The following RGS7 variants were observed in gnomAD, a reference collection of about 807,000 sequenced individuals.
RGS7 encodes regulator of G protein signaling 7.
RGS7 carries 27 observed loss-of-function variants against 81.1 expected under a neutral mutation model. The observed-to-expected ratio is 0.33, with a 90% CI of 0.25 to 0.46. RGS7 has a LOEUF of 0.46. RGS7 is among the 20% of genes least tolerant of loss of function. RGS7 has a pLI of 1.00. For synonymous variants in RGS7, 208 were observed against 207.7 expected (o/e 1.00, Z -0.01); for missense variants, 396 against 607.4 (o/e 0.65, Z 3.66).
At chr1:241,137,661 G>A (rs2067618409) in intron 2 of RGS7, among the ~76,000 whole-genome samples, 4 of 152,196 alleles carry the variant, frequency 2.6e-5, no homozygotes, top group Admixed American at 2.6e-4. Context: ...GCTCAAAGGA[G>A]CTGATCCTTA....
intron 2 of RGS7, among the ~76,000 whole-genome samples, chr1:241,289,418 C>T (rs1286909997): frequency 6.6e-6 from 1 of 152,200 alleles, no homozygotes; most frequent in Non-Finnish European, 1.5e-5. Context: ...CCCCTTTGTG[C>T]TCCCTGAATA....
chr1:241,276,033 G>A (rs1456766284), intron 2 of RGS7, among the ~76,000 whole-genome samples: 1 of 152,186 alleles, frequency 6.6e-6, no homozygotes, highest in African/African-American at 2.4e-5. Context: ...TAACAGATGA[G>A]AGAGTATGTG....
At chr1:241,098,905 A>G in intron 2 of RGS7, 143 bp from the exon 3 acceptor site, 1 of 670,776 alleles carries the variant, frequency 1.5e-6, no homozygotes, top group Non-Finnish European at 2.6e-6. Flanking sequence ...TGCCACATTA[A>G]TAGTTTAAAT....
intron 3 of RGS7, among the ~76,000 whole-genome samples, chr1:241,004,568 T>C (rs1455099434): frequency 1.3e-5 from 2 of 152,152 alleles, no homozygotes; most frequent in African/African-American, 4.8e-5. Context: ...TATGGAAGCC[T>C]TCTGGATGAA....
chr1:241,159,427 C>T (rs571606927), intron 2 of RGS7, among the ~76,000 whole-genome samples: 1 of 152,196 alleles, frequency 6.6e-6, no homozygotes, highest in South Asian at 2.1e-4. Flanking sequence ...ACCTACTTAT[C>T]CTTCTAGAAC....
chr1:241,346,658 T>G (rs1035906380), intron 2 of RGS7, among the ~76,000 whole-genome samples: 1 of 152,206 alleles, frequency 6.6e-6, no homozygotes, highest in Non-Finnish European at 1.5e-5. Flanking sequence ...CCACTAGTCT[T>G]GGGAGGTCAC....
At chr1:241,127,962 T>C (rs919024651) in intron 2 of RGS7, among the ~76,000 whole-genome samples, 1 of 151,924 alleles carries the variant, frequency 6.6e-6, no homozygotes, top group Non-Finnish European at 1.5e-5. Flanking sequence ...AGAGGAAATA[T>C]AGAGCAGTAT....
rs186236174 is a variant in RGS7, at chr1:241,345,563, C to T, written c.78+10136G>A. ...TGGAAATAACTACATTTCTCAACGC[C>T]TATTTTTCTATTATAAAAGTGAGTA... is the stretch of plus-strand genomic sequence containing the variant. On this transcript the variant is annotated intron_variant, in intron 2 of 18. Transcript: ENST00000440928. 7.4e-4 allele frequency among the ~76,000 whole-genome samples: 113 copies of T among 152,228 alleles called. 1 individual carries two copies. The East Asian group carries it at 0.02, about 26-fold the overall frequency.
intron 3 of RGS7, among the ~76,000 whole-genome samples, chr1:241,090,890 G>C (rs1286226256): frequency 6.6e-6 from 1 of 152,176 alleles, no homozygotes; most frequent in Non-Finnish European, 1.5e-5. Flanking sequence ...ATGAATGTAA[G>C]AGTCCCAGGT....
chr1:240,934,400 T>G (rs1676239916), intron 5 of RGS7, among the ~76,000 whole-genome samples: 1 of 152,210 alleles, frequency 6.6e-6, no homozygotes, highest in Admixed American at 6.5e-5. Flanking sequence ...TAAAGAACTT[T>G]CGCTGCTTGG....
At chr1:240,858,258 G>C (rs1661519241) in intron 9 of RGS7, among the ~76,000 whole-genome samples, 1 of 152,156 alleles carries the variant, frequency 6.6e-6, no homozygotes, top group Admixed American at 6.5e-5. Flanking sequence ...AAATACGAAG[G>C]AGTGGGAATG....
chr1:241,102,053 A>G (rs1220336898), intron 2 of RGS7, among the ~76,000 whole-genome samples: 1 of 152,204 alleles, frequency 6.6e-6, no homozygotes, highest in Non-Finnish European at 1.5e-5. Flanking sequence ...TCCACAAGAG[A>G]AAAAAATTTT....
chr1:240,989,102 T>C lies in RGS7; in HGVS notation c.176-5973A>G, dbSNP rs367709170. Among the ~76,000 whole-genome samples, 12 of 152,146 alleles carry C rather than the reference T, an allele frequency of 7.9e-5. No individual in the cohort carries two copies. In the East Asian group the frequency reaches 2.3e-3, roughly 29 times the overall value. On this transcript the variant is annotated intron_variant, in intron 3 of 18. Coordinates refer to ENST00000440928, the MANE Select transcript of RGS7 (RefSeq NM_001364886.1). Reference sequence around the variant, plus strand: ...CTGCTGCTTCTTTATCAATGCCATATTTAGTCTTGTCTAATCTGTCCTCCT... The same window carrying C: ...CTGCTGCTTCTTTATCAATGCCATACTTAGTCTTGTCTAATCTGTCCTCCT...
At chr1:240,906,194 G>A (rs2148222694) in intron 6 of RGS7, among the ~76,000 whole-genome samples, 1 of 152,222 alleles carries the variant, frequency 6.6e-6, no homozygotes, top group Admixed American at 6.5e-5. Flanking sequence ...CTGGAAAGAG[G>A]TGGTGAAACG....
In RGS7 at chr1:241,275,136, T is replaced by A. The variant is rs572446244; in HGVS notation, c.78+80563A>T. Among the ~76,000 whole-genome samples, 3 of 152,254 alleles carry A rather than the reference T, an allele frequency of 2.0e-5. No individual in the cohort carries two copies. In the East Asian group the frequency reaches 5.8e-4, roughly 29 times the overall value. On this transcript the variant is annotated intron_variant, in intron 2 of 18. Transcript: ENST00000440928. ...GCAATTTTGGAGACATCCCTCCCCA[T>A]AAAGCCTGAATATAGCTGGCCCCTG...
At chr1:240,940,562 A>C (rs1379138812) in intron 4 of RGS7, among the ~76,000 whole-genome samples, 2 of 152,332 alleles carry the variant, frequency 1.3e-5, no homozygotes, top group East Asian at 3.9e-4. Flanking sequence ...GTGTTAGCAC[A>C]CTTTCCCGGA....
intron 2 of RGS7, among the ~76,000 whole-genome samples, chr1:241,099,434 G>A (rs2064551484): frequency 1.3e-5 from 2 of 151,522 alleles, no homozygotes; most frequent in African/African-American, 4.9e-5. Flanking sequence ...ACACACACAT[G>A]CACACACACA....
chr1:241,106,322 C>T (rs1310401934), intron 2 of RGS7, among the ~76,000 whole-genome samples: 1 of 152,120 alleles, frequency 6.6e-6, no homozygotes, highest in Non-Finnish European at 1.5e-5. Context: ...TAAAAAACTG[C>T]CATTTTCATG....
chr1:241,139,920 A>G (rs1186457581), intron 2 of RGS7, among the ~76,000 whole-genome samples: 1 of 152,142 alleles, frequency 6.6e-6, no homozygotes, highest in African/African-American at 2.4e-5. Flanking sequence ...TATAACCATC[A>G]CCTAGGTGTC....
Sources: allele counts gnomAD v4.1 joint callset (sites outside exome capture counted in the v4.1 genomes callset), GRCh38; gene constraint gnomAD v4.1.1; transcripts MANE v1.5; gene names NCBI Gene and HGNC (gene_info 2026-07-23, HGNC 2026-07-21).